Variants in LRP1B observed in about 807,000 individuals in gnomAD.
LRP1B encodes low-density lipoprotein receptor-related protein 1B.
In LRP1B, 217 loss-of-function variants were observed where a neutral mutation model predicts 556.6. The ratio of observed to expected loss-of-function variants is 0.39; its 90% CI spans 0.35 to 0.44. LRP1B has a LOEUF of 0.44. Ranked by LOEUF, LRP1B falls within the 20% of genes least tolerant of loss-of-function variation. The probability of loss-of-function intolerance (pLI) is 1.00; values close to 1 mark genes in which losing one functional copy is unlikely to be tolerated. For synonymous variants in LRP1B, 2,047 were observed against 1,865.8 expected (o/e 1.10, Z -2.50); for missense variants, 5,053 against 5,620.8 (o/e 0.90, Z 3.23).
chr2:140,808,674 C>G (rs1573746841), intron 32 of LRP1B, among the ~76,000 whole-genome samples: 1 of 152,256 alleles, frequency 6.6e-6, no homozygotes, highest in Middle Eastern at 3.4e-3. Flanking sequence ...ATATCAGCAG[C>G]TGGCACATAG....
chr2:140,360,235 C>T lies in LRP1B; in HGVS notation c.11132-1289G>A, dbSNP rs535713187. ...TCGTGCCAATCCTGCAGACTCATCC[C>T]TTGTCCCTCTCAATATTTGAGCAAT... On this transcript the variant is annotated intron_variant, in intron 72 of 90. Transcript: ENST00000389484. 4.0e-5 allele frequency among the ~76,000 whole-genome samples: 6 copies of T among 151,650 alleles called. No homozygotes were observed. The South Asian group carries it at 8.3e-4, about 21-fold the overall frequency.
At chr2:141,081,108 T>C (rs952187364) in intron 7 of LRP1B, among the ~76,000 whole-genome samples, 4 of 152,186 alleles carry the variant, frequency 2.6e-5, no homozygotes, top group South Asian at 2.1e-4. Context: ...GCTGGGACTA[T>C]AGGCATGAAC....
At chr2:140,532,947 T>TATCTATATATATATACAC in intron 47 of LRP1B, among the ~76,000 whole-genome samples, 1 of 124,282 alleles carries the variant, frequency 8.0e-6, no homozygotes. Flanking sequence ...TATATATATA[T>TATCTATATATATATACAC]ACACATATAT....
At chr2:141,582,458 G>A (rs1686982628) in intron 2 of LRP1B, among the ~76,000 whole-genome samples, 1 of 152,208 alleles carries the variant, frequency 6.6e-6, no homozygotes, top group Non-Finnish European at 1.5e-5. Context: ...TTTCTCATGA[G>A]TAGATAGTGT....
intron 41 of LRP1B, among the ~76,000 whole-genome samples, chr2:140,687,357 G>A (rs890104873): frequency 6.6e-6 from 1 of 152,090 alleles, no homozygotes; most frequent in Admixed American, 6.6e-5. Flanking sequence ...AAGTTAATAA[G>A]GTTTAGACAG....
intron 3 of LRP1B, among the ~76,000 whole-genome samples, chr2:141,274,379 G>A (rs992005151): frequency 2.0e-5 from 3 of 152,036 alleles, no homozygotes; most frequent in African/African-American, 7.2e-5. Flanking sequence ...CAATAAAAAA[G>A]AATAAAGTAT....
intron 43 of LRP1B, among the ~76,000 whole-genome samples, chr2:140,556,979 T>C (rs571861094): frequency 1.6e-3 from 249 of 152,186 alleles, no homozygotes; most frequent in African/African-American, 5.8e-3. Flanking sequence ...TATTTCTTAA[T>C]ATATCAAATT....
intron 1 of LRP1B, among the ~76,000 whole-genome samples, chr2:142,026,963 C>T (rs1703528311): frequency 1.3e-5 from 2 of 151,998 alleles, no homozygotes; most frequent in African/African-American, 4.8e-5. Context: ...CAAAATTTCT[C>T]AAGTTGACAG....
intron 2 of LRP1B, among the ~76,000 whole-genome samples, chr2:141,509,175 A>G (rs2105147823): frequency 6.6e-6 from 1 of 152,332 alleles, no homozygotes; most frequent in East Asian, 1.9e-4. Context: ...AATACAGCCC[A>G]CTTGTATTGC....
At chr2:141,979,227 A>C (rs1385885490) in intron 1 of LRP1B, among the ~76,000 whole-genome samples, 1 of 152,116 alleles carries the variant, frequency 6.6e-6, no homozygotes, top group East Asian at 1.9e-4. Context: ...ACAATTAGTA[A>C]TTATAGGATA....
chr2:141,538,373 C>T (rs553976217), intron 2 of LRP1B, among the ~76,000 whole-genome samples: 13 of 152,202 alleles, frequency 8.5e-5, no homozygotes, highest in African/African-American at 2.6e-4. Context: ...GACAAGAATA[C>T]GATGGTAAAG....
intron 80 of LRP1B, among the ~76,000 whole-genome samples, chr2:140,324,904 TA>T (rs35622188): frequency 0.14 from 19,634 of 144,648 alleles, 1,416 homozygotes; most frequent in African/African-American, 0.18. Context: ...GGCCATTGAT[TA>T]AAAAAAAAAC....
intron 28 of LRP1B, 114 bp downstream of exon 28, chr2:140,851,538 G>T: frequency 8.3e-7 from 1 of 1,210,968 alleles, no homozygotes; most frequent in Non-Finnish European, 1.2e-6. Context: ...AAATATTTTT[G>T]AAAACAGAAA....
intron 41 of LRP1B, among the ~76,000 whole-genome samples, chr2:140,661,525 AGTGTG>A (rs1450434285): frequency 2.0e-5 from 3 of 149,192 alleles, no homozygotes; most frequent in Non-Finnish European, 3.0e-5. Flanking sequence ...AAAAAAACGC[AGTGTG>A]GTGGCACACA....
chr2:141,125,135 T>C lies in LRP1B; in HGVS notation c.1014-62862A>G, dbSNP rs1286595465. On this transcript the variant is annotated intron_variant, in intron 7 of 90. Coordinates refer to ENST00000389484, the MANE Select transcript of LRP1B (RefSeq NM_018557.3). ...AATATCTAGAGAATAAGGAACCATA[T>C]ATAACATTTGGATACCCAAGACAAG... Among the ~76,000 whole-genome samples the C allele has an allele frequency of 4.6e-5, 7 of 152,182 alleles. No homozygotes were observed. In the East Asian group the frequency reaches 1.2e-3, roughly 25 times the overall value.
intron 57 of LRP1B, among the ~76,000 whole-genome samples, chr2:140,489,728 AG>A (rs1478011205): frequency 2.0e-5 from 3 of 152,054 alleles, no homozygotes; most frequent in Non-Finnish European, 4.4e-5. Context: ...TTGGCAATTC[AG>A]GTGGCTAAAT....
intron 2 of LRP1B, among the ~76,000 whole-genome samples, chr2:141,489,863 C>T (rs974555761): frequency 2.6e-5 from 4 of 152,068 alleles, no homozygotes; most frequent in African/African-American, 9.7e-5. Flanking sequence ...TGCAAGAATA[C>T]AAATAAGAAC....
intron 3 of LRP1B, among the ~76,000 whole-genome samples, chr2:141,418,597 C>T (rs1680017932): frequency 1.3e-5 from 2 of 152,014 alleles, no homozygotes; most frequent in Admixed American, 6.6e-5. Flanking sequence ...TAATGGCTGC[C>T]TTCATAGCAG....
intron 4 of LRP1B, among the ~76,000 whole-genome samples, chr2:141,248,043 A>T (rs1204768577): frequency 1.3e-5 from 2 of 152,126 alleles, no homozygotes; most frequent in African/African-American, 4.8e-5. Context: ...CCCTGTCTCT[A>T]CTAAAAATGC....
Sources: gnomAD v4.1 joint callset for allele counts (sites outside exome capture counted in the v4.1 genomes callset) on GRCh38, gnomAD v4.1.1 for gene constraint, MANE v1.5 for transcripts, NCBI Gene and HGNC (gene_info 2026-07-23, HGNC 2026-07-21) for gene names.